ZC3H12B: variants seen among roughly 807,000 people sequenced by gnomAD.
ZC3H12B encodes probable ribonuclease ZC3H12B.
A neutral mutation model predicts 43.9 loss-of-function variants in ZC3H12B; 7 were observed. That is an observed-to-expected ratio of 0.16 (90% CI 0.09 to 0.30). The LOEUF (loss-of-function observed/expected upper bound fraction) is 0.30, where lower values mean the gene tolerates loss of function less well. Ranked by LOEUF, ZC3H12B falls within the 10% of genes least tolerant of loss-of-function variation. The pLI, the probability that ZC3H12B is intolerant of heterozygous loss-of-function variation, is 1.00. For synonymous variants in ZC3H12B, 222 were observed against 241.7 expected (o/e 0.92, Z 0.76); for missense variants, 475 against 670.2 (o/e 0.71, Z 3.22).
At chrX:65,299,284 T>G in the ZC3H12B span, among the ~76,000 whole-genome samples, 3 of 112,041 alleles carry the variant, frequency 2.7e-5, no homozygotes, top group Non-Finnish European at 5.6e-5. Context: ...TTTAATTCAT[T>G]TTGTGAGGCC....
At chrX:65,256,537 G>A in the ZC3H12B span, among the ~76,000 whole-genome samples, 24 of 111,830 alleles carry the variant, frequency 2.1e-4, no homozygotes, top group African/African-American at 7.8e-4. Flanking sequence ...CACAGCTAAA[G>A]GGGTGCTAAG....
the ZC3H12B span, among the ~76,000 whole-genome samples, chrX:65,232,091 A>C: frequency 1.2e-4 from 13 of 104,426 alleles, no homozygotes; most frequent in Non-Finnish European, 1.1e-4. Flanking sequence ...AAAAAAAAAA[A>C]TTAGCCAAGC....
the ZC3H12B span, among the ~76,000 whole-genome samples, chrX:65,187,556 A>G: frequency 9.0e-6 from 1 of 111,527 alleles, no homozygotes. Context: ...TTTGGACAGT[A>G]TTTAGTCAAG....
the ZC3H12B span, among the ~76,000 whole-genome samples, chrX:65,098,006 G>A: frequency 0.014 from 1,509 of 111,370 alleles, 19 homozygotes; most frequent in Non-Finnish European, 0.023. Context: ...AGGGCTGTTT[G>A]ATGGGTCATA....
chrX:65,441,402 C>A (rs2067299524), intron 3 of ZC3H12B, among the ~76,000 whole-genome samples: 2 of 111,977 alleles, frequency 1.8e-5, no homozygotes, highest in Non-Finnish European at 3.8e-5. Flanking sequence ...CTTTAAATTT[C>A]TTTCCTTGAA....
intron 3 of ZC3H12B, among the ~76,000 whole-genome samples, chrX:65,459,195 T>C (rs1183679332): frequency 4.5e-5 from 5 of 111,948 alleles, no homozygotes; most frequent in Non-Finnish European, 9.4e-5. Flanking sequence ...TAACAGGCTC[T>C]GAAATTGAGG....
At chrX:65,239,362 A>C in the ZC3H12B span, among the ~76,000 whole-genome samples, 1 of 107,914 alleles carries the variant, frequency 9.3e-6, no homozygotes, top group Admixed American at 9.8e-5. Flanking sequence ...CTTGGTTTAA[A>C]GTCTGTTTTT....
the ZC3H12B span, among the ~76,000 whole-genome samples, chrX:65,077,807 G>T: frequency 8.9e-6 from 1 of 111,948 alleles, no homozygotes; most frequent in African/African-American, 3.2e-5. Context: ...GGATATTTAG[G>T]AGGTAAAAAG....
upstream of ZC3H12B, among the ~76,000 whole-genome samples, chrX:65,364,142 A>G (rs199576967): frequency 4.5e-5 from 5 of 110,944 alleles, no homozygotes; most frequent in East Asian, 1.4e-3. Context: ...AAGGCAGGCT[A>G]TGTTATAGTA....
the ZC3H12B span, among the ~76,000 whole-genome samples, chrX:65,071,289 G>GTT: frequency 4.2e-4 from 34 of 80,600 alleles, no homozygotes; most frequent in East Asian, 3.6e-3. Context: ...CTTTTTTTCA[G>GTT]TTTTTTTTTT....
At chrX:65,149,297 C>T in the ZC3H12B span, among the ~76,000 whole-genome samples, 1 of 112,029 alleles carries the variant, frequency 8.9e-6, no homozygotes, top group Non-Finnish European at 1.9e-5. Context: ...CACCTGGTCT[C>T]TGCCTCTAAA....
At chrX:65,160,465 C>T in the ZC3H12B span, among the ~76,000 whole-genome samples, 7 of 111,766 alleles carry the variant, frequency 6.3e-5, no homozygotes, top group Non-Finnish European at 1.3e-4. Flanking sequence ...TTCAGAGATT[C>T]AACTTCTTTG....
At chrX:65,107,605 C>G in the ZC3H12B span, among the ~76,000 whole-genome samples, 5 of 111,357 alleles carry the variant, frequency 4.5e-5, no homozygotes, top group Admixed American at 9.5e-5. Context: ...CCCCATGTGT[C>G]ATGGGATGGA....
At chrX:65,297,860 G>A in the ZC3H12B span, among the ~76,000 whole-genome samples, 1 of 111,657 alleles carries the variant, frequency 9.0e-6, no homozygotes, top group Non-Finnish European at 1.9e-5. Flanking sequence ...GCAGCCAACT[G>A]ATCTGCAACA....
At chrX:65,382,763 T>C (rs191563025) in intron 2 of ZC3H12B, among the ~76,000 whole-genome samples, 1 of 111,795 alleles carries the variant, frequency 8.9e-6, no homozygotes, top group Admixed American at 9.5e-5. Context: ...AGTCTCAAAA[T>C]ATAAAATCAA....
chrX:65,113,223 G>A, the ZC3H12B span, among the ~76,000 whole-genome samples: 1 of 111,970 alleles, frequency 8.9e-6, no homozygotes, highest in African/African-American at 3.2e-5. Flanking sequence ...CGGATGAAGA[G>A]TTGCTTCTTA....
intron 2 of ZC3H12B, among the ~76,000 whole-genome samples, chrX:65,374,919 C>T (rs2066323968): frequency 9.0e-6 from 1 of 111,102 alleles, no homozygotes; most frequent in South Asian, 3.9e-4. Context: ...CCCCATGATC[C>T]AATTACCTCC....
chrX:65,408,037 G>A, intron 3 of ZC3H12B: 39 of 1,143,253 alleles, frequency 3.4e-5, no homozygotes, highest in Non-Finnish European at 4.4e-5. Context: ...AAATTGACCG[G>A]AGAATTGAGT....
At chrX:65,104,547 A>T in the ZC3H12B span, among the ~76,000 whole-genome samples, 2 of 111,490 alleles carry the variant, frequency 1.8e-5, no homozygotes, top group Admixed American at 1.9e-4. Flanking sequence ...ATCTACAAGG[A>T]GCTCAAATTT....
Sources: allele counts gnomAD v4.1 joint callset (sites outside exome capture counted in the v4.1 genomes callset), GRCh38; gene constraint gnomAD v4.1.1; transcripts MANE v1.5; gene names NCBI Gene and HGNC (gene_info 2026-07-23, HGNC 2026-07-21).